Variants in ABTB2 observed in about 807,000 individuals in gnomAD.
ABTB2 encodes ankyrin repeat and BTB domain containing 2.
Under a neutral mutation model 104.1 loss-of-function variants are expected in ABTB2, and 56 were observed. That is an observed-to-expected ratio of 0.54 (90% CI 0.43 to 0.67). The LOEUF is 0.67. ABTB2 is among the 30% of genes least tolerant of loss of function. The pLI, the probability that ABTB2 is intolerant of heterozygous loss-of-function variation, is 0.00. For missense variants in ABTB2, 1,279 were observed against 1,407.7 expected (o/e 0.91, Z 1.46); for synonymous variants, 606 against 608.2 (o/e 1.00, Z 0.05).
rs777297363 is a variant in ABTB2 at position 34,160,265 on chromosome 11, G to A, written c.2486C>T (p.Thr829Ile). 2 of 1,613,892 alleles carry A rather than the reference G, an allele frequency of 1.2e-6. No individual in the cohort carries two copies. The highest frequency in any genetic ancestry group is 1.7e-6 in the Non-Finnish European group (2 of 1,179,908). ...GCCTTCACCTAGCCTGGCCGGCAGG[G>A]TCTTCCGGATCTCTGGGATGCTGGG... ...PIPSIPEIRK[T>I]LPARLDPHFL... Residue 829 changes from threonine to isoleucine, a missense_variant, in exon 12 of 17, where the codon ACC becomes ATC. By Grantham distance (89) the Thr-to-Ile change is moderately conservative. Transcript: ENST00000435224.
intron 1 of ABTB2, among the ~76,000 whole-genome samples, chr11:34,274,617 T>C (rs1039220316): frequency 1.3e-5 from 2 of 151,938 alleles, no homozygotes; most frequent in Non-Finnish European, 2.9e-5. Flanking sequence ...TTCTTTTTTT[T>C]AAAGGCACAC....
At chr11:34,162,261 C>T (rs372279106) in intron 10 of ABTB2, among the ~76,000 whole-genome samples, 6 of 152,232 alleles carry the variant, frequency 3.9e-5, no homozygotes, top group South Asian at 2.1e-4. Context: ...TCCCAGTGCT[C>T]GACATCCCTG....
intron 1 of ABTB2, among the ~76,000 whole-genome samples, chr11:34,211,525 G>C (rs1032133517): frequency 2.0e-5 from 3 of 152,010 alleles, no homozygotes; most frequent in Non-Finnish European, 4.4e-5. Flanking sequence ...CAAGATGAGG[G>C]AAATAAGAGG....
chr11:34,299,105 C>T (rs994653415), intron 1 of ABTB2, among the ~76,000 whole-genome samples: 8 of 152,144 alleles, frequency 5.3e-5, no homozygotes, highest in Admixed American at 3.3e-4. Context: ...CTACAGGGAA[C>T]GGATCTTTTT....
chr11:34,162,741 C>G lies in ABTB2; in HGVS notation c.2053G>C (p.Glu685Gln). 1 of 1,611,036 alleles carries G rather than the reference C, an allele frequency of 6.2e-7. No homozygotes were observed. The highest frequency in any genetic ancestry group is 1.1e-5 in the South Asian group (1 of 91,090). ...TCCTCCACACCCTCGGCCAGGATCT[C>G]CTCCAGGGACAGCACGTCCGCTTTA... is the stretch of plus-strand genomic sequence containing the variant. The part of the protein sequence containing the change: ...QAKADVLSLE[E>Q]ILAEGVEESD... The change falls in exon 10 of 17, where the codon GAG (glutamate) becomes CAG (glutamine). Residue 685 changes from glutamate to glutamine, a missense_variant. Transcript: ENST00000435224.
At chr11:34,304,792 G>A (rs747555478) in intron 1 of ABTB2, among the ~76,000 whole-genome samples, 27 of 152,254 alleles carry the variant, frequency 1.8e-4, no homozygotes, top group African/African-American at 5.3e-4. Context: ...ATTCAAACTC[G>A]GGCAGTCCAC....
chr11:34,216,588 T>C (rs928850991), intron 1 of ABTB2, among the ~76,000 whole-genome samples: 59 of 151,920 alleles, frequency 3.9e-4, no homozygotes, highest in Non-Finnish European at 4.4e-5. Flanking sequence ...CCATCTCTAC[T>C]AAAAATACTA....
At chr11:34,276,296 T>C (rs1854381599) in intron 1 of ABTB2, among the ~76,000 whole-genome samples, 1 of 152,156 alleles carries the variant, frequency 6.6e-6, no homozygotes, top group Non-Finnish European at 1.5e-5. Flanking sequence ...CTAACCAATT[T>C]AAAAGTTTTA....
chr11:34,338,628 C>T (rs560155847), intron 1 of ABTB2, among the ~76,000 whole-genome samples: 1 of 152,006 alleles, frequency 6.6e-6, no homozygotes, highest in East Asian at 1.9e-4. Flanking sequence ...ATCACTTGAA[C>T]CGGGGCAAGG....
intron 1 of ABTB2, among the ~76,000 whole-genome samples, chr11:34,265,255 G>A (rs1265633790): frequency 6.6e-6 from 1 of 152,178 alleles, no homozygotes; most frequent in Non-Finnish European, 1.5e-5. Context: ...AGGATGGGTG[G>A]AGAAAGGCCC....
chr11:34,264,168 G>C (rs1854220513), intron 1 of ABTB2, among the ~76,000 whole-genome samples: 1 of 152,242 alleles, frequency 6.6e-6, no homozygotes, highest in African/African-American at 2.4e-5. Context: ...TGATCTTCTA[G>C]AAGCAGCTTG....
chr11:34,279,787 CTT>C (rs397849748), intron 1 of ABTB2, among the ~76,000 whole-genome samples: 11 of 129,526 alleles, frequency 8.5e-5, no homozygotes, highest in Non-Finnish European at 1.3e-4. Context: ...CTTTCTTCTT[CTT>C]TTTTTTTTTT....
intron 1 of ABTB2, among the ~76,000 whole-genome samples, chr11:34,296,999 T>C (rs558571912): frequency 6.6e-6 from 1 of 152,332 alleles, no homozygotes; most frequent in East Asian, 1.9e-4. Flanking sequence ...CCTATCCTAT[T>C]CATGAGTTTT....
intron 1 of ABTB2, among the ~76,000 whole-genome samples, chr11:34,220,540 T>C (rs1210780866): frequency 1.3e-5 from 2 of 152,214 alleles, no homozygotes; most frequent in African/African-American, 4.8e-5. Context: ...CAGCAGCCAC[T>C]GTGTAACCAG....
intron 1 of ABTB2, among the ~76,000 whole-genome samples, chr11:34,274,199 T>A (rs12364526): frequency 0.11 from 16,138 of 142,552 alleles, 1,106 homozygotes; most frequent in Admixed American, 0.21. Context: ...GATATTTAAC[T>A]ATGATAACAG....
chr11:34,161,039 G>T lies in ABTB2; in HGVS notation c.2261C>A (p.Thr754Asn), dbSNP rs1852713655. ...CGAGTACCGCGACTGCGAGAACGAG[G>T]TCCTCAGAGACTCGATCCAGATGTG... ...KLHIWIESLR[T>N]SFSQSRYSVV... The change falls in exon 11 of 17, where the codon ACC becomes AAC. Residue 754 changes from threonine (T) to asparagine (N), a missense_variant. By Grantham distance (65) the Thr-to-Asn change is moderately conservative. Coordinates refer to ENST00000435224, the MANE Select transcript of ABTB2 (RefSeq NM_145804.3). The T allele has an allele frequency of 6.2e-7, 1 of 1,613,106 alleles. No homozygotes were observed. Among genetic ancestry groups the T allele is most frequent in the Non-Finnish European group, 8.5e-7 (1 of 1,179,618 alleles).
At chr11:34,278,872 T>G (rs765112931) in intron 1 of ABTB2, among the ~76,000 whole-genome samples, 1 of 152,176 alleles carries the variant, frequency 6.6e-6, no homozygotes, top group Non-Finnish European at 1.5e-5. Flanking sequence ...GGAGATGTGC[T>G]TCAGGTCAGG....
At chr11:34,160,503 C>G in intron 11 of ABTB2, 150 bp from the exon 12 acceptor site, 1 of 653,820 alleles carries the variant, frequency 1.5e-6, no homozygotes, top group South Asian at 1.8e-5. Context: ...GCAAGAGATG[C>G]CTGTTCCTTC....
At chr11:34,288,381 T>C (rs931551101) in intron 1 of ABTB2, among the ~76,000 whole-genome samples, 18 of 152,312 alleles carry the variant, frequency 1.2e-4, no homozygotes, top group African/African-American at 4.1e-4. Context: ...AAACACCCCA[T>C]TGCATAAACA....
Sources: gnomAD v4.1 joint callset for allele counts (sites outside exome capture counted in the v4.1 genomes callset) on GRCh38, gnomAD v4.1.1 for gene constraint, MANE v1.5 for transcripts, NCBI Gene and HGNC (gene_info 2026-07-23, HGNC 2026-07-21) for gene names.